GCFC2: variants seen among roughly 807,000 people sequenced by gnomAD.
GCFC2 encodes the protein GC-rich sequence DNA-binding factor 2.
A neutral mutation model predicts 99.4 loss-of-function variants in GCFC2; 102 were observed. The ratio of observed to expected loss-of-function variants is 1.03; its 90% CI spans 0.87 to 1.21. The LOEUF (loss-of-function observed/expected upper bound fraction) is 1.21, where lower values mean the gene tolerates loss of function less well. Ranked by LOEUF, GCFC2 falls within the 50% of genes most tolerant of loss-of-function variation. The pLI is 0.00. For missense variants in GCFC2, 973 were observed against 920.9 expected (o/e 1.06, Z -0.73); for synonymous variants, 338 against 316.8 (o/e 1.07, Z -0.71).
chr2:75,686,887 A>T (rs1324365981), intron 11 of GCFC2, among the ~76,000 whole-genome samples: 1 of 152,196 alleles, frequency 6.6e-6, no homozygotes, highest in Admixed American at 6.5e-5. Flanking sequence ...CACAAGCATT[A>T]ATGTTAAGTG....
Position 75,710,590 on chromosome 2 carries a change from C to T in GCFC2, c.265+1G>A. Reference sequence around the variant, plus strand: ...CCGCTTCCCCGCGTCTCCCTGGACACCTGAGCCTTCGTCCGCGCGGGGAGC... The same window carrying T: ...CCGCTTCCCCGCGTCTCCCTGGACATCTGAGCCTTCGTCCGCGCGGGGAGC... On this transcript the variant is annotated splice_donor_variant, in intron 1 of 16. Transcript: ENST00000321027. LOFTEE classifies it high-confidence loss of function. The T allele has an allele frequency of 6.6e-7, 1 of 1,512,722 alleles. No homozygotes were observed. The highest frequency in any genetic ancestry group is 2.3e-4 in the Middle Eastern group (1 of 4,292). The allele number at this position is 1,512,722 out of a possible 1,614,324, so 93.7% of individuals were successfully genotyped here.
rs761925299 is a variant in GCFC2, at chr2:75,671,972, C to T, written c.1934G>A (p.Arg645Lys). 1.9e-6 allele frequency: 3 copies of T among 1,592,392 alleles called. No individual in the cohort carries two copies. Among genetic ancestry groups the T allele is most frequent in the East Asian group, 2.2e-5 (1 of 44,492 alleles). ...KTSPHSKFQE[R>K]QFWSGLKLFR... Reference sequence around the variant, plus strand: ...CACCTTTAGGCCTGACCAGAACTGTCTTTCTTGGAACTTTGAATGAGGTGA... The same window carrying T: ...CACCTTTAGGCCTGACCAGAACTGTTTTTCTTGGAACTTTGAATGAGGTGA... Residue 645 changes from arginine (R) to lysine (K), a missense_variant, in exon 14 of 17, where the codon AGA (arginine) becomes AAA (lysine). Transcript: ENST00000321027.
intron 11 of GCFC2, among the ~76,000 whole-genome samples, chr2:75,683,222 C>T (rs1022941135): frequency 2.6e-5 from 4 of 151,844 alleles, no homozygotes; most frequent in African/African-American, 4.9e-5. Context: ...CAAATGGAAG[C>T]CCATCAGACT....
chr2:75,667,110 C>A (rs931738194), intron 15 of GCFC2, among the ~76,000 whole-genome samples: 21 of 152,272 alleles, frequency 1.4e-4, no homozygotes, highest in Non-Finnish European at 2.9e-5. Context: ...ATTATTCCAT[C>A]AGATTTCAGG....
intron 11 of GCFC2, among the ~76,000 whole-genome samples, chr2:75,682,012 C>T (rs1029702404): frequency 1.3e-5 from 2 of 151,898 alleles, no homozygotes; most frequent in Admixed American, 6.5e-5. Context: ...TGGCTGTGGG[C>T]GCAGCTTCAG....
chr2:75,691,298 A>G (rs972764236), intron 7 of GCFC2, among the ~76,000 whole-genome samples: 1 of 152,180 alleles, frequency 6.6e-6, no homozygotes, highest in African/African-American at 2.4e-5. Flanking sequence ...CTCTCTCAAA[A>G]TATCTTATTG....
In GCFC2 at chr2:75,670,140, G is replaced by T; in HGVS notation, c.2101C>A (p.Gln701Lys). The T allele has an allele frequency of 6.3e-7, 1 of 1,593,772 alleles. No individual in the cohort carries two copies. The highest frequency in any genetic ancestry group is 8.6e-7 in the Non-Finnish European group (1 of 1,165,018). The change falls in exon 15 of 17, where the codon CAG becomes AAG. Residue 701 changes from glutamine to lysine, a missense_variant and splice_region_variant. By Grantham distance (53) the Gln-to-Lys change is moderately conservative. Transcript: ENST00000321027. ...ATCAGTCTTCCTTCACAACTTACCT[G>T]GTTGCACTTTTTAACCACATCTGGC... ...PGPDVVKKCN[Q>K]VAACLPEKWF...
chr2:75,698,879 G>A (rs184246214), intron 4 of GCFC2, among the ~76,000 whole-genome samples: 11 of 152,166 alleles, frequency 7.2e-5, no homozygotes, highest in South Asian at 4.2e-4. Flanking sequence ...AGGCATGGTG[G>A]TATGTACGTG....
At chr2:75,709,016 C>T (rs752992899) in intron 1 of GCFC2, among the ~76,000 whole-genome samples, 8 of 152,144 alleles carry the variant, frequency 5.3e-5, no homozygotes, top group Non-Finnish European at 1.2e-4. Context: ...CATCTGTCTT[C>T]TATTAATATT....
At chr2:75,680,024 T>C (rs1259119297) in intron 12 of GCFC2, among the ~76,000 whole-genome samples, 169 bp downstream of exon 12, 29 of 152,178 alleles carry the variant, frequency 1.9e-4, no homozygotes. Context: ...TTTTTTCATC[T>C]CAGTGCAGTC....
intron 12 of GCFC2, among the ~76,000 whole-genome samples, chr2:75,675,400 G>T (rs1471958007): frequency 6.6e-6 from 1 of 152,124 alleles, no homozygotes; most frequent in African/African-American, 2.4e-5. Context: ...ATTCATGAAA[G>T]TTTTCTTTCA....
chr2:75,662,779 T>C lies in GCFC2; in HGVS notation c.*1887A>G, dbSNP rs1159106286. The C allele has an allele frequency of 6.6e-5, 10 of 151,938 alleles. No homozygotes were observed. The East Asian group carries it at 1.9e-3, about 29-fold the overall frequency. 9.4% of individuals were successfully genotyped at this position (151,938 alleles called of 1,614,324 possible). ...GGAAAGTTTCTGTGCTGAACTTAAATATATAAAGGAACACGTCCAACATAT... is the reference window on the plus strand; with the variant it reads ...GGAAAGTTTCTGTGCTGAACTTAAACATATAAAGGAACACGTCCAACATAT... On this transcript the variant is annotated 3_prime_UTR_variant, in exon 17 of 17. Coordinates refer to ENST00000321027, the MANE Select transcript of GCFC2 (RefSeq NM_003203.5).
intron 6 of GCFC2, among the ~76,000 whole-genome samples, chr2:75,693,577 A>G (rs1057431081): frequency 2.0e-5 from 3 of 152,192 alleles, no homozygotes; most frequent in African/African-American, 7.2e-5. Flanking sequence ...TGCATAAAAC[A>G]AAAACTAAAA....
intron 12 of GCFC2, among the ~76,000 whole-genome samples, chr2:75,674,065 T>C (rs1679241079): frequency 1.3e-5 from 2 of 152,232 alleles, no homozygotes; most frequent in South Asian, 4.1e-4. Flanking sequence ...ATATTTCATT[T>C]TGTTGTTTTA....
chr2:75,708,013 A>G (rs931710849), intron 1 of GCFC2, among the ~76,000 whole-genome samples: 2 of 152,228 alleles, frequency 1.3e-5, no homozygotes, highest in Non-Finnish European at 2.9e-5. Context: ...CTTTTGCTGC[A>G]TCTTGAAATG....
chr2:75,688,830 T>C (rs1257821269), intron 10 of GCFC2, among the ~76,000 whole-genome samples, 196 bp downstream of exon 10: 3 of 152,200 alleles, frequency 2.0e-5, no homozygotes, highest in Non-Finnish European at 4.4e-5. Context: ...ATGTTAATGA[T>C]GCTTAGCCTA....
In GCFC2 at chr2:75,702,300, T is replaced by C; in HGVS notation, c.518A>G (p.Glu173Gly). The change falls in exon 3 of 17, where the codon GAG (glutamate) becomes GGG (glycine). Residue 173 changes from glutamate (E) to glycine (G), a missense_variant. By Grantham distance (98) the Glu-to-Gly change is moderately conservative. Transcript: ENST00000321027. ...CTCACTCTCAGGGTCATCTTCGCTC[T>C]CTCTCTTCATACCAGAGATGGAGGA... ...HTSSISGMKR[E>G]SEDDPESEPD... The C allele has an allele frequency of 6.2e-7, 1 of 1,613,502 alleles. No homozygotes were observed. Among genetic ancestry groups the C allele is most frequent in the East Asian group, 2.2e-5 (1 of 44,880 alleles).
At chr2:75,701,087 C>T (rs530756254) in intron 4 of GCFC2, 103 bp downstream of exon 4, 68 of 690,324 alleles carry the variant, frequency 9.9e-5, no homozygotes, top group Non-Finnish European at 1.3e-4. Context: ...TTGGCCTCCA[C>T]GCTGTGAGAG....
rs1396775331 is a variant in GCFC2 at position 75,662,834 on chromosome 2, A to T, written c.*1832T>A. The T allele has an allele frequency of 1.3e-5, 2 of 151,828 alleles. No homozygotes were observed. The highest frequency in any genetic ancestry group is 2.9e-5 in the Non-Finnish European group (2 of 67,940). The allele number at this position is 151,828 out of a possible 1,614,324, so 9.4% of individuals were successfully genotyped here. ...TTAAAAATCCAAAAGTCAGAGGATA[A>T]TTTCCAAATGTGTACTTAAATAGAA... On this transcript the variant is annotated 3_prime_UTR_variant, in exon 17 of 17. Transcript: ENST00000321027.
Sources: allele counts gnomAD v4.1 joint callset (sites outside exome capture counted in the v4.1 genomes callset), GRCh38; gene constraint gnomAD v4.1.1; transcripts MANE v1.5; gene names NCBI Gene and HGNC (gene_info 2026-07-23, HGNC 2026-07-21).